The following GTF2F2 variants were observed in gnomAD, a reference collection of about 807,000 sequenced individuals.
GTF2F2 encodes ATP-dependent helicase GTF2F2.
In GTF2F2, 23 loss-of-function variants were observed where a neutral mutation model predicts 42.2. The observed-to-expected ratio is 0.55, with a 90% CI of 0.39 to 0.77. The LOEUF is 0.77. Among genes scored for constraint, GTF2F2 ranks in the 30% least tolerant of loss-of-function variants. The probability of loss-of-function intolerance (pLI) is 0.00; values close to 1 mark genes in which losing one functional copy is unlikely to be tolerated. For missense variants in GTF2F2, 261 were observed against 287.2 expected (o/e 0.91, Z 0.66); for synonymous variants, 105 against 100.8 (o/e 1.04, Z -0.25).
intron 6 of GTF2F2, among the ~76,000 whole-genome samples, chr13:45,265,733 A>G (rs1034950687): frequency 1.3e-5 from 2 of 152,220 alleles, no homozygotes; most frequent in Non-Finnish European, 2.9e-5. Context: ...TTATCCTTTT[A>G]TAACAAATCT....
chr13:45,200,344 A>G (rs892479208), intron 4 of GTF2F2, among the ~76,000 whole-genome samples: 1 of 152,160 alleles, frequency 6.6e-6, no homozygotes, highest in Admixed American at 6.6e-5. Flanking sequence ...ATTTTTTGAT[A>G]CAGGGTCTTG....
intron 5 of GTF2F2, among the ~76,000 whole-genome samples, chr13:45,236,005 G>A (rs1266320599): frequency 6.6e-6 from 1 of 152,152 alleles, no homozygotes; most frequent in Non-Finnish European, 1.5e-5. Context: ...GGACTGAAAG[G>A]AGGTCTTATT....
intron 7 of GTF2F2, among the ~76,000 whole-genome samples, chr13:45,281,054 T>C: frequency 6.6e-6 from 1 of 152,252 alleles, no homozygotes; most frequent in East Asian, 1.9e-4. Context: ...AAGTAGTTTA[T>C]GAACAGTGTC....
chr13:45,248,955 A>G (rs985353615), intron 5 of GTF2F2, among the ~76,000 whole-genome samples: 1 of 152,198 alleles, frequency 6.6e-6, no homozygotes, highest in African/African-American at 2.4e-5. Flanking sequence ...GCTTGCTCCC[A>G]AGTCAGCCTA....
chr13:45,149,894 A>G (rs1046690293), intron 3 of GTF2F2, 106 bp downstream of exon 3: 11 of 1,070,924 alleles, frequency 1.0e-5, no homozygotes, highest in Non-Finnish European at 1.3e-5. Flanking sequence ...CATCAAGTGC[A>G]TGGCTGATGG....
At chr13:45,136,669 C>A in intron 1 of GTF2F2, 64 bp from the exon 2 acceptor site, 1 of 846,312 alleles carries the variant, frequency 1.2e-6, no homozygotes, top group East Asian at 2.5e-5. Flanking sequence ...AGCAATATAT[C>A]ATTTTATGTT....
intron 6 of GTF2F2, among the ~76,000 whole-genome samples, chr13:45,264,425 G>A (rs1876481075): frequency 6.6e-6 from 1 of 152,074 alleles, no homozygotes; most frequent in African/African-American, 2.4e-5. Flanking sequence ...GGAGATACAG[G>A]CGTGTGCCAC....
At chr13:45,177,291 A>G (rs1871928490) in intron 4 of GTF2F2, among the ~76,000 whole-genome samples, 1 of 152,122 alleles carries the variant, frequency 6.6e-6, no homozygotes, top group Admixed American at 6.5e-5. Context: ...GATATCATCT[A>G]GCCTTATTTT....
rs778270263 is a variant in GTF2F2, at chr13:45,136,796, C to A, written c.130C>A (p.Arg44=). ...TGGAAGAGGTGAAGTTGGGAAACTG[C>A]GGATTGCCAAGTAAGTTATTTACAT... ...ASGRGEVGKL[R]IAKTQGRTEV... is the part of the protein sequence containing the mutation. Residue 44 remains arginine (R), a synonymous_variant, in exon 2 of 8, where the codon CGG becomes AGG. Transcript: ENST00000340473. 1.3e-6 allele frequency: 2 copies of A among 1,570,964 alleles called. No homozygotes were observed.
chr13:45,211,520 C>T (rs1200937410), intron 5 of GTF2F2, among the ~76,000 whole-genome samples: 2 of 151,222 alleles, frequency 1.3e-5, no homozygotes, highest in East Asian at 1.9e-4. Context: ...CCTCCTACCT[C>T]AGCCTCCCAA....
chr13:45,279,612 T>G (rs1379383527), intron 7 of GTF2F2, among the ~76,000 whole-genome samples: 2 of 152,170 alleles, frequency 1.3e-5, no homozygotes, highest in African/African-American at 4.8e-5. Flanking sequence ...GCAGGCACTA[T>G]AACAGGAGCA....
chr13:45,267,445 G>A (rs1386818506), intron 7 of GTF2F2, 69 bp downstream of exon 7: 2 of 1,049,826 alleles, frequency 1.9e-6, no homozygotes, highest in Admixed American at 2.5e-5. Flanking sequence ...CTGAAAGTGT[G>A]TCATACATGA....
chr13:45,160,305 AATAC>A (rs947915884), intron 4 of GTF2F2, among the ~76,000 whole-genome samples: 8 of 152,220 alleles, frequency 5.3e-5, no homozygotes, highest in African/African-American at 1.9e-4. Context: ...ACCTCTTATA[AATAC>A]ATAGTTGGAA....
In GTF2F2 at chr13:45,254,281, A is replaced by G. The variant is rs952615277; in HGVS notation, c.486+1311A>G. On this transcript the variant is annotated intron_variant, in intron 6 of 7. Coordinates refer to ENST00000340473, the MANE Select transcript of GTF2F2 (RefSeq NM_004128.3). The stretch of plus-strand genomic sequence containing the variant: ...GAGATATGTATGTATAGGAAAAACC[A>G]TAATATATAGAGTTTGGTACTATCC... 7.2e-5 allele frequency among the ~76,000 whole-genome samples: 11 copies of G among 152,194 alleles called. 1 individual carries two copies. The highest frequency in any genetic ancestry group is 6.3e-3 in the Middle Eastern group (2 of 316).
chr13:45,235,403 A>G (rs1265721108), intron 5 of GTF2F2, among the ~76,000 whole-genome samples: 2 of 151,980 alleles, frequency 1.3e-5, no homozygotes, highest in Non-Finnish European at 2.9e-5. Flanking sequence ...ATTATAGTTC[A>G]TCATTTTGGC....
chr13:45,167,935 A>G (rs1367489520), intron 4 of GTF2F2, among the ~76,000 whole-genome samples: 2 of 152,080 alleles, frequency 1.3e-5, no homozygotes, highest in South Asian at 4.2e-4. Flanking sequence ...TGATAGAGGG[A>G]AAAAAAAGTA....
intron 7 of GTF2F2, among the ~76,000 whole-genome samples, chr13:45,267,895 A>G (rs1876634772): frequency 6.6e-6 from 1 of 150,406 alleles, no homozygotes; most frequent in Non-Finnish European, 1.5e-5. Flanking sequence ...ATGCTTGCAG[A>G]GATTGTGATT....
At chr13:45,247,537 T>C (rs1021186336) in intron 5 of GTF2F2, among the ~76,000 whole-genome samples, 7 of 148,512 alleles carry the variant, frequency 4.7e-5, no homozygotes, top group African/African-American at 1.7e-4. Flanking sequence ...GGAGTACAGG[T>C]GTGTGCCACC....
At chr13:45,199,097 C>G (rs1052749403) in intron 4 of GTF2F2, among the ~76,000 whole-genome samples, 3 of 152,188 alleles carry the variant, frequency 2.0e-5, no homozygotes, top group African/African-American at 7.2e-5. Flanking sequence ...ACAAACTGTG[C>G]CAAGTACTTG....
Sources: gnomAD v4.1 joint callset for allele counts (sites outside exome capture counted in the v4.1 genomes callset) on GRCh38, gnomAD v4.1.1 for gene constraint, MANE v1.5 for transcripts, NCBI Gene and HGNC (gene_info 2026-07-23, HGNC 2026-07-21) for gene names.